Variants in FMN1 observed in about 807,000 individuals in gnomAD.
The protein encoded by FMN1 is formin 1.
In FMN1, 110 loss-of-function variants were observed where a neutral mutation model predicts 132.4. The observed-to-expected ratio is 0.83, with a 90% CI of 0.71 to 0.97. FMN1 has a LOEUF of 0.97. Among genes scored for constraint, FMN1 ranks in the 50% least tolerant of loss-of-function variants. The pLI, the probability that FMN1 is intolerant of heterozygous loss-of-function variation, is 0.00. For synonymous variants in FMN1, 722 were observed against 651.7 expected (o/e 1.11, Z -1.64); for missense variants, 1,792 against 1,705.3 (o/e 1.05, Z -0.90).
chr15:32,973,121 AAAAT>A (rs200888047), intron 7 of FMN1, among the ~76,000 whole-genome samples: 5,098 of 152,324 alleles, frequency 0.033, 121 homozygotes, highest in Non-Finnish European at 0.05. Flanking sequence ...AGATTTTGAA[AAAAT>A]AAATAAATAA....
At chr15:33,112,326 C>T (rs2039740473) in intron 4 of FMN1, among the ~76,000 whole-genome samples, 1 of 150,138 alleles carries the variant, frequency 6.7e-6, no homozygotes, top group Admixed American at 6.9e-5. Flanking sequence ...GTTTCCATGA[C>T]CTTTGTTATT....
chr15:32,848,209 T>C (rs78855574), intron 17 of FMN1, among the ~76,000 whole-genome samples: 2,161 of 152,252 alleles, frequency 0.014, 60 homozygotes, highest in African/African-American at 0.049. Context: ...GTTACATACC[T>C]AATAATAACA....
intron 16 of FMN1, among the ~76,000 whole-genome samples, chr15:32,878,162 G>A (rs2059682114): frequency 6.6e-6 from 1 of 152,164 alleles, no homozygotes; most frequent in Non-Finnish European, 1.5e-5. Context: ...TCTAGGAGAG[G>A]GACCCACTAC....
intron 16 of FMN1, among the ~76,000 whole-genome samples, chr15:32,857,671 A>G (rs1449570653): frequency 6.6e-6 from 1 of 152,144 alleles, no homozygotes; most frequent in Non-Finnish European, 1.5e-5. Context: ...CCTTCCTTTT[A>G]ATCCTCTACT....
chr15:33,109,671 T>C (rs2039621668), intron 4 of FMN1, among the ~76,000 whole-genome samples: 1 of 151,534 alleles, frequency 6.6e-6, no homozygotes, highest in Admixed American at 6.6e-5. Flanking sequence ...AGGAAACAAA[T>C]ACTGGGGCAT....
In FMN1 at chr15:32,964,236, T is replaced by C; in HGVS notation, c.3009A>G (p.Leu1003=). 3 of 1,607,370 alleles carry C rather than the reference T, an allele frequency of 1.9e-6. No individual in the cohort carries two copies. Among genetic ancestry groups the C allele is most frequent in the Non-Finnish European group, 1.7e-6 (2 of 1,176,342 alleles). Residue 1003 remains leucine (L), a synonymous_variant, in exon 9 of 21, where the codon TTA becomes TTG. Transcript: ENST00000616417. ...SDRSQNATPT[L]WDSLEEPDIR... ...TGTCAGGTTCTTCTAAGGAGTCCCA[T>C]AAGGTTGGTGTAGCATTTTGGCTTA...
chr15:33,082,093 ATGTGTGTGTGTGTGTG>A (rs61138142), intron 5 of FMN1, among the ~76,000 whole-genome samples: 21 of 120,404 alleles, frequency 1.7e-4, no homozygotes, highest in Admixed American at 9.8e-4. Context: ...CTGGAAAACA[ATGTGTGTGTGTGTGTG>A]TGTGTGTGTG....
At chr15:33,019,576 C>T (rs1224753664) in intron 6 of FMN1, among the ~76,000 whole-genome samples, 1 of 152,154 alleles carries the variant, frequency 6.6e-6, no homozygotes, top group Non-Finnish European at 1.5e-5. Context: ...AAGCCCGGGG[C>T]GGTGCGAAAC....
At position 32,770,801 on chromosome 15, in the gene FMN1, G is replaced by T. The variant is rs937890109; in HGVS notation, c.*3509C>A. 6.6e-6 allele frequency: 1 copy of T among 151,836 alleles called. No individual in the cohort carries two copies. Among genetic ancestry groups the T allele is most frequent in the Non-Finnish European group, 1.5e-5 (1 of 68,020 alleles). 9.4% of individuals were successfully genotyped at this position (151,836 alleles called of 1,614,324 possible). On this transcript the variant is annotated 3_prime_UTR_variant, in exon 21 of 21. Coordinates refer to ENST00000616417, the MANE Select transcript of FMN1 (RefSeq NM_001277313.2). ...ATTTAAAAGTGTAATAGCTCCACTGGGTTTCCTTATTCCACTTCTCAGATT... is the reference window on the plus strand; with the variant it reads ...ATTTAAAAGTGTAATAGCTCCACTGTGTTTCCTTATTCCACTTCTCAGATT...
chr15:33,111,466 T>G (rs1292432855), intron 4 of FMN1, among the ~76,000 whole-genome samples: 2 of 152,062 alleles, frequency 1.3e-5, no homozygotes, highest in African/African-American at 2.4e-5. Flanking sequence ...ACTCAGCAAT[T>G]TCACTCCTAG....
At chr15:33,104,211 C>T (rs2039398550) in intron 4 of FMN1, among the ~76,000 whole-genome samples, 1 of 152,042 alleles carries the variant, frequency 6.6e-6, no homozygotes, top group African/African-American at 2.4e-5. Flanking sequence ...TGATAAGATG[C>T]ACAAATTTGT....
chr15:32,934,346 T>C (rs1485256862), intron 9 of FMN1, among the ~76,000 whole-genome samples: 2 of 152,140 alleles, frequency 1.3e-5, no homozygotes, highest in Non-Finnish European at 2.9e-5. Flanking sequence ...CTGGCAGACA[T>C]AAATTCTATA....
chr15:32,868,409 G>T (rs1398942968), intron 16 of FMN1, among the ~76,000 whole-genome samples: 1 of 152,144 alleles, frequency 6.6e-6, no homozygotes, highest in Non-Finnish European at 1.5e-5. Flanking sequence ...GTGCAGATTT[G>T]TAGCGTAGAC....
At chr15:32,873,108 T>A (rs901084486) in intron 16 of FMN1, among the ~76,000 whole-genome samples, 6 of 152,186 alleles carry the variant, frequency 3.9e-5, no homozygotes, top group South Asian at 2.1e-4. Context: ...CTCAGACATT[T>A]AAAAAAATCC....
At position 33,194,358 on chromosome 15, in the gene FMN1, TG is replaced by T. The variant is rs1966196641; in HGVS notation, c.-349+219del. Among the ~76,000 whole-genome samples, 5 of 144,566 alleles carry T rather than the reference TG, an allele frequency of 3.5e-5. No individual in the cohort carries two copies. In the South Asian group the frequency reaches 1.2e-3, roughly 34 times the overall value. The allele number at this position is 144,566 out of a possible 152,430, so 94.8% of individuals were successfully genotyped here. On this transcript the variant is annotated intron_variant, in intron 1 of 20. Transcript: ENST00000616417. ...ACAGGAGTTCTGTAGTGAGGAGCGT[TG>T]GGATGACCCGGAGGGCCCACCAACG...
intron 5 of FMN1, among the ~76,000 whole-genome samples, chr15:33,081,348 TAC>T (rs1360988361): frequency 2.6e-5 from 4 of 152,162 alleles, no homozygotes; most frequent in African/African-American, 9.7e-5. Flanking sequence ...TATTTTGGGG[TAC>T]GTGTGATATT....
At chr15:33,120,628 T>C (rs1032082932) in intron 4 of FMN1, among the ~76,000 whole-genome samples, 2 of 152,204 alleles carry the variant, frequency 1.3e-5, no homozygotes, top group Non-Finnish European at 2.9e-5. Flanking sequence ...CAGCTTTTGT[T>C]GTCTTTTCGT....
Position 32,767,416 on chromosome 15 carries a change from C to G in FMN1, c.*6894G>C, listed in dbSNP as rs1435903658. ...CATACTAGGATGTTGACTGCCTTCA[C>G]TCAGGTTCTAGGCATGCAGGCCAGT... On this transcript the variant is annotated 3_prime_UTR_variant, in exon 21 of 21. Transcript: ENST00000616417. The G allele has an allele frequency of 6.6e-6, 1 of 152,192 alleles. No homozygotes were observed. The highest frequency in any genetic ancestry group is 1.9e-4 in the East Asian group (1 of 5,180). 9.4% of individuals were successfully genotyped at this position (152,192 alleles called of 1,614,324 possible).
intron 9 of FMN1, among the ~76,000 whole-genome samples, chr15:32,934,066 A>ACTT (rs35842072): frequency 0.056 from 8,422 of 151,672 alleles, 336 homozygotes; most frequent in African/African-American, 0.11. Flanking sequence ...TATATTGATG[A>ACTT]CTTTTGTGTT....
Sources: allele counts gnomAD v4.1 joint callset (sites outside exome capture counted in the v4.1 genomes callset), GRCh38; gene constraint gnomAD v4.1.1; transcripts MANE v1.5; gene names NCBI Gene and HGNC (gene_info 2026-07-23, HGNC 2026-07-21).